Variants in GRIP2 observed in about 807,000 individuals in gnomAD.
GRIP2 encodes glutamate receptor-interacting protein 2.
GRIP2 carries 58 observed loss-of-function variants against 108.3 expected under a neutral mutation model. The ratio of observed to expected loss-of-function variants is 0.54; its 90% CI spans 0.43 to 0.67. GRIP2 has a LOEUF of 0.67. Among genes scored for constraint, GRIP2 ranks in the 30% least tolerant of loss-of-function variants. The pLI is 0.00. For synonymous variants in GRIP2, 586 were observed against 598.2 expected, an observed-to-expected ratio of 0.98 and a Z score of 0.30; for missense variants, 1,278 against 1,430.6, an observed-to-expected ratio of 0.89 and a Z score of 1.72.
At chr3:14,581,890 G>C in the GRIP2 span, among the ~76,000 whole-genome samples, 17 of 152,340 alleles carry the variant, frequency 1.1e-4, no homozygotes, top group South Asian at 3.3e-3. Context: ...TCAGCTGATA[G>C]AGTTTGGCCT....
At position 14,525,376 on chromosome 3, in the gene GRIP2, C is replaced by G. The variant is rs78696925; in HGVS notation, c.257+61G>C. On this transcript the variant is annotated intron_variant, in intron 3 of 23. Transcript: ENST00000621039. ...ACCTTCAGTACATTTTCCACTGGCCCTGGGCTCCCATCATTGCCTCTGCAC... is the reference window on the plus strand; with the variant it reads ...ACCTTCAGTACATTTTCCACTGGCCGTGGGCTCCCATCATTGCCTCTGCAC... The G allele has an allele frequency of 2.1e-3, 3,345 of 1,587,236 alleles. 75 individuals carry two copies. In the African/African-American group the frequency reaches 0.04, roughly 19 times the overall value.
Position 14,507,681 on chromosome 3 carries a change from C to T in GRIP2, c.2098G>A (p.Gly700Arg), listed in dbSNP as rs764816283. 3 of 1,613,958 alleles carry T rather than the reference C, an allele frequency of 1.9e-6. No homozygotes were observed. The highest frequency in any genetic ancestry group is 2.2e-5 in the East Asian group (1 of 44,878). The change falls in exon 18 of 24, where the codon GGG (glycine) becomes AGG (arginine). Residue 700 changes from glycine to arginine, a missense_variant. Physicochemically the swap from Gly to Arg is moderately radical, Grantham distance 125. Transcript: ENST00000621039. The surrounding 1 kb of genome is among the most constrained non-coding windows in gnomAD (Gnocchi z 4.6). ...TTGTTGATGGCCAGAATGCGGTCCCCCACGTGGATGGCACCAGTCCTGAGG... is the reference window on the plus strand; with the variant it reads ...TTGTTGATGGCCAGAATGCGGTCCCTCACGTGGATGGCACCAGTCCTGAGG... ...LAERTGAIHV[G>R]DRILAINNVS... is the part of the protein sequence containing the mutation.
chr3:14,599,383 C>T, the GRIP2 span, among the ~76,000 whole-genome samples: 2 of 152,284 alleles, frequency 1.3e-5, no homozygotes, highest in South Asian at 4.1e-4. Flanking sequence ...GGAAATCTGA[C>T]CTTCTCAACT....
At chr3:14,515,911 G>T (rs972886285) in intron 11 of GRIP2, among the ~76,000 whole-genome samples, 1 of 152,102 alleles carries the variant, frequency 6.6e-6, no homozygotes, top group Non-Finnish European at 1.5e-5. Context: ...GATTACAGGC[G>T]TGAGCCACCA....
chr3:14,534,240 C>T lies in GRIP2; in HGVS notation c.40+6029G>A, dbSNP rs146887291. 9.8e-4 allele frequency among the ~76,000 whole-genome samples: 150 copies of T among 152,292 alleles called. No individual in the cohort carries two copies. The East Asian group carries it at 0.021, about 22-fold the overall frequency. Reference sequence around the variant, plus strand: ...TAGAATTACAATTGGCTGTGTGACTCGAGCCTCCATTTTCCCCTCTGTAAA... The same window carrying T: ...TAGAATTACAATTGGCTGTGTGACTTGAGCCTCCATTTTCCCCTCTGTAAA... On this transcript the variant is annotated intron_variant, in intron 1 of 23. Transcript: ENST00000621039.
chr3:14,531,303 C>T (rs999885863), intron 1 of GRIP2, among the ~76,000 whole-genome samples: 1 of 152,182 alleles, frequency 6.6e-6, no homozygotes, highest in Non-Finnish European at 1.5e-5. Flanking sequence ...TCCTTATCTC[C>T]TTGATACTCT....
In GRIP2 at chr3:14,492,294, G is replaced by A. The variant is rs1277205265; in HGVS notation, c.*1371C>T. ...CTCCAGGGACCCCAGGTTGGAGACA[G>A]ATGGAGGTGGGAGTGGGTGCCCCGT... is the stretch of plus-strand genomic sequence containing the variant. On this transcript the variant is annotated 3_prime_UTR_variant, in exon 24 of 24. Coordinates refer to ENST00000621039, the MANE Select transcript of GRIP2 (RefSeq NM_001080423.4). 5 of 152,334 alleles carry A rather than the reference G, an allele frequency of 3.3e-5. No individual in the cohort carries two copies. Among genetic ancestry groups the A allele is most frequent in the African/African-American group, 1.2e-4 (5 of 41,454 alleles). 9.4% of individuals were successfully genotyped at this position (152,334 alleles called of 1,614,324 possible).
chr3:14,601,094 A>G, the GRIP2 span, among the ~76,000 whole-genome samples: 8 of 151,176 alleles, frequency 5.3e-5, no homozygotes, highest in South Asian at 1.7e-3. Context: ...ACACACACGA[A>G]CACACACACG....
the GRIP2 span, among the ~76,000 whole-genome samples, chr3:14,581,234 C>T: frequency 3.3e-5 from 5 of 152,234 alleles, no homozygotes; most frequent in African/African-American, 9.6e-5. Context: ...TCCAAATGAA[C>T]TGAGGCTCCC....
At chr3:14,536,288 C>G (rs752003798) in intron 1 of GRIP2, among the ~76,000 whole-genome samples, 3 of 152,176 alleles carry the variant, frequency 2.0e-5, no homozygotes, top group Non-Finnish European at 4.4e-5. Flanking sequence ...CCGATTGTCC[C>G]CAGTTTACAG....
At chr3:14,514,513 C>A in intron 11 of GRIP2, 35 bp from the exon 12 acceptor site, 1 of 1,499,450 alleles carries the variant, frequency 6.7e-7, no homozygotes, top group African/African-American at 1.4e-5. Flanking sequence ...TCAGGTGAGC[C>A]GCCCCACGGA....
the GRIP2 span, chr3:14,573,065 G>A: frequency 2.1e-4 from 293 of 1,390,876 alleles, 3 homozygotes; most frequent in South Asian, 2.9e-3. Context: ...GCTAGAAGGC[G>A]AAGGAGAGAA....
chr3:14,585,660 C>T, the GRIP2 span, among the ~76,000 whole-genome samples: 31 of 152,204 alleles, frequency 2.0e-4, no homozygotes, highest in East Asian at 1.5e-3. Context: ...CTCTGCACAG[C>T]GAACAAACCT....
In GRIP2 at chr3:14,523,681, T is replaced by G; in HGVS notation, c.421A>C (p.Arg141=). The G allele has an allele frequency of 2.5e-6, 4 of 1,611,316 alleles. No homozygotes were observed. In the South Asian group the frequency reaches 4.4e-5, roughly 18 times the overall value. The change falls in exon 5 of 24, where the codon AGG becomes CGG. Residue 141 remains arginine, a synonymous_variant. Coordinates refer to ENST00000621039, the MANE Select transcript of GRIP2 (RefSeq NM_001080423.4). Reference sequence around the variant, plus strand: ...ACGTCCACTGTCTTTGAAATGATCCTGGGGTTATTCTCAGGAGCTGGGGAG... The same window carrying G: ...ACGTCCACTGTCTTTGAAATGATCCGGGGGTTATTCTCAGGAGCTGGGGAG... The part of the protein sequence containing the change: ...LPPPAPENNP[R]IISKTVDVSL...
rs182962790 is a variant in GRIP2, at chr3:14,517,734, A to T, written c.1156+38T>A. On this transcript the variant is annotated intron_variant, in intron 10 of 23. Transcript: ENST00000621039. ...CATCGCCCCCTCCCTAGGAAAGGCT[A>T]CAAGACTGGCTGAGCTACAGCAGGG... 4,530 of 1,606,394 alleles carry T rather than the reference A, an allele frequency of 2.8e-3. 17 individuals carry two copies. The highest frequency in any genetic ancestry group is 2.4e-3 in the Non-Finnish European group (2,783 of 1,177,334).
At chr3:14,569,554 A>T in the GRIP2 span, among the ~76,000 whole-genome samples, 1 of 152,180 alleles carries the variant, frequency 6.6e-6, no homozygotes, top group Non-Finnish European at 1.5e-5. Flanking sequence ...TGGGAGATCC[A>T]GGGGTCCTGG....
chr3:14,598,983 C>A, the GRIP2 span, among the ~76,000 whole-genome samples: 1,229 of 152,242 alleles, frequency 8.1e-3, 8 homozygotes, highest in Non-Finnish European at 0.013. Flanking sequence ...TATAGAAGCA[C>A]CCTCCCGCGG....
At chr3:14,593,041 C>T in the GRIP2 span, among the ~76,000 whole-genome samples, 1 of 152,180 alleles carries the variant, frequency 6.6e-6, no homozygotes, top group Non-Finnish European at 1.5e-5. Flanking sequence ...CACTCATAGG[C>T]CAGGACAAGC....
At chr3:14,600,895 G>C in the GRIP2 span, among the ~76,000 whole-genome samples, 2 of 152,152 alleles carry the variant, frequency 1.3e-5, no homozygotes, top group East Asian at 3.9e-4. Context: ...ATTGAGGAAG[G>C]CATTGGCCTT....
Sources: gnomAD v4.1 joint callset for allele counts (sites outside exome capture counted in the v4.1 genomes callset) on GRCh38, gnomAD v4.1.1 for gene constraint, Gnocchi (gnomAD v3.1) non-coding constraint, MANE v1.5 for transcripts, NCBI Gene and HGNC (gene_info 2026-07-23, HGNC 2026-07-21) for gene names.